ARMC8: variants seen among roughly 807,000 people sequenced by gnomAD.
ARMC8 encodes the protein armadillo repeat containing 8, also known as armadillo repeat-containing protein 8.
Under a neutral mutation model 99.3 loss-of-function variants are expected in ARMC8, and 20 were observed. That is an observed-to-expected ratio of 0.20 (90% CI 0.14 to 0.29). The LOEUF is 0.29. Ranked by LOEUF, ARMC8 falls within the 10% of genes least tolerant of loss-of-function variation. The probability of loss-of-function intolerance (pLI) is 1.00; values close to 1 mark genes in which losing one functional copy is unlikely to be tolerated. For synonymous variants in ARMC8, 263 were observed against 278.3 expected, an observed-to-expected ratio of 0.95 and a Z score of 0.55; for missense variants, 569 against 809.5, an observed-to-expected ratio of 0.70 and a Z score of 3.60.
intron 21 of ARMC8, among the ~76,000 whole-genome samples, chr3:138,292,102 A>G (rs1218811269): frequency 6.6e-6 from 1 of 151,778 alleles, no homozygotes; most frequent in African/African-American, 2.4e-5. Context: ...CAATGGCGTG[A>G]TCTTGGCTCA....
intron 1 of ARMC8, among the ~76,000 whole-genome samples, chr3:138,200,298 A>T (rs772019919): frequency 7.0e-6 from 1 of 142,480 alleles, no homozygotes; most frequent in Non-Finnish European, 1.5e-5. Context: ...TGACAGTTAC[A>T]CTGCAGACTG....
chr3:138,218,831 T>A (rs2045232065), intron 2 of ARMC8, among the ~76,000 whole-genome samples: 1 of 152,152 alleles, frequency 6.6e-6, no homozygotes, highest in Admixed American at 6.5e-5. Context: ...TTTCCCAACA[T>A]TAAAAGTTAG....
At chr3:138,272,871 C>CA (rs1362559077) in intron 16 of ARMC8, 96 bp from the exon 17 acceptor site, 4 of 1,168,994 alleles carry the variant, frequency 3.4e-6, no homozygotes, top group East Asian at 2.9e-5. Flanking sequence ...GACTCTGTCT[C>CA]AAAAAAATAA....
In ARMC8 at chr3:138,296,665, C is replaced by T. The variant is rs1217335792; in HGVS notation, c.*773C>T. The T allele has an allele frequency of 3.3e-5, 5 of 152,112 alleles. No homozygotes were observed. Among genetic ancestry groups the T allele is most frequent in the Admixed American group, 3.3e-4 (5 of 15,274 alleles). 9.4% of individuals were successfully genotyped at this position (152,112 alleles called of 1,614,324 possible). A position where few individuals can be genotyped will look rare whatever the true frequency, so the allele number is the denominator to read the frequency against. ...CCGTCAATATTAGCAGGTACAGAGCCTTTTTTCATCCTAATTCAGTAAGTT... is the reference window on the plus strand; with the variant it reads ...CCGTCAATATTAGCAGGTACAGAGCTTTTTTTCATCCTAATTCAGTAAGTT... On this transcript the variant is annotated 3_prime_UTR_variant, in exon 22 of 22. Transcript: ENST00000469044.
chr3:138,195,284 C>CA lies in ARMC8; in HGVS notation c.45+7702dup, dbSNP rs945623878. Among the ~76,000 whole-genome samples, 513 of 54,680 alleles carry CA rather than the reference C, an allele frequency of 9.4e-3. 3 individuals carry two copies. The highest frequency in any genetic ancestry group is 0.023 in the African/African-American group (321 of 14,214). 35.9% of individuals were successfully genotyped at this position (54,680 alleles called of 152,430 possible). On this transcript the variant is annotated intron_variant, in intron 1 of 21. Coordinates refer to ENST00000469044, the MANE Select transcript of ARMC8 (RefSeq NM_001363941.2). ...TGGGCGACAGAGCGAGACTCCGTCT[C>CA]AAAAAAAAAAAAAAAAAGAAACTAT...
At chr3:138,274,140 A>G (rs2108311252) in intron 17 of ARMC8, among the ~76,000 whole-genome samples, 1 of 151,986 alleles carries the variant, frequency 6.6e-6, no homozygotes, top group Middle Eastern at 3.4e-3. Context: ...TTTCTTTAAT[A>G]TATTTGGGTT....
chr3:138,292,546 G>C (rs1263916762), intron 21 of ARMC8, among the ~76,000 whole-genome samples: 1 of 152,338 alleles, frequency 6.6e-6, no homozygotes, highest in East Asian at 1.9e-4. Flanking sequence ...CACAGATTCA[G>C]TACAGGATGT....
chr3:138,218,889 A>AC, intron 2 of ARMC8, among the ~76,000 whole-genome samples: 1 of 152,338 alleles, frequency 6.6e-6, no homozygotes, highest in Admixed American at 6.5e-5. Flanking sequence ...AGGGTATCTG[A>AC]CTAAAAGTTA....
chr3:138,193,167 C>G (rs572846042), intron 1 of ARMC8, among the ~76,000 whole-genome samples: 2 of 152,054 alleles, frequency 1.3e-5, no homozygotes, highest in South Asian at 4.1e-4. Context: ...TGGGGTTTCA[C>G]CATGTTAGTC....
rs371910795 is a variant in ARMC8, at chr3:138,187,649, C to A, written c.45+50C>A. 1.2e-5 allele frequency: 18 copies of A among 1,525,458 alleles called. 1 individual carries two copies. The East Asian group carries it at 2.4e-4, about 21-fold the overall frequency. The allele number at this position is 1,525,458 out of a possible 1,614,324, so 94.5% of individuals were successfully genotyped here. ...GCCCGCCCTCCAGGAAGCCTCATCC[C>A]GGTCTCCACCATTCCCCCAAGCGTG... On this transcript the variant is annotated intron_variant, in intron 1 of 21. Coordinates refer to ENST00000469044, the MANE Select transcript of ARMC8 (RefSeq NM_001363941.2).
At chr3:138,229,923 AAC>A (rs1160385777) in intron 6 of ARMC8, among the ~76,000 whole-genome samples, 3 of 152,236 alleles carry the variant, frequency 2.0e-5, no homozygotes, top group Non-Finnish European at 4.4e-5. Flanking sequence ...GGGATAAGAG[AAC>A]ACCTGGAAGA....
chr3:138,279,947 C>G (rs2108337903), intron 18 of ARMC8, among the ~76,000 whole-genome samples: 1 of 152,108 alleles, frequency 6.6e-6, no homozygotes, highest in Non-Finnish European at 1.5e-5. Context: ...CTGTGTCACC[C>G]AGGCTGGAGT....
chr3:138,236,797 A>G (rs527919594), intron 7 of ARMC8, among the ~76,000 whole-genome samples: 1 of 152,284 alleles, frequency 6.6e-6, no homozygotes, highest in South Asian at 2.1e-4. Context: ...ATATATGGTT[A>G]AGGATTGGGC....
At chr3:138,188,590 C>T in intron 1 of ARMC8, 1 of 1,606,554 alleles carries the variant, frequency 6.2e-7, no homozygotes, top group Admixed American at 1.7e-5. Context: ...TACTGATTGA[C>T]CATCTTTTAG....
intron 1 of ARMC8, among the ~76,000 whole-genome samples, chr3:138,204,575 C>G (rs1261217134): frequency 6.6e-6 from 1 of 152,208 alleles, no homozygotes; most frequent in African/African-American, 2.4e-5. Context: ...TCTCTCCAAG[C>G]AGGCTTTGGC....
chr3:138,259,458 A>G (rs1324766240), intron 12 of ARMC8, among the ~76,000 whole-genome samples: 2 of 152,120 alleles, frequency 1.3e-5, no homozygotes, highest in Non-Finnish European at 2.9e-5. Context: ...TATTGTCCAT[A>G]CCCTTTTGGA....
At position 138,245,072 on chromosome 3, in the gene ARMC8, CT is replaced by C. The variant is rs754335292; in HGVS notation, c.1039-9del. On this transcript the variant is annotated splice_polypyrimidine_tract_variant and intron_variant, in intron 11 of 21. Coordinates refer to ENST00000469044, the MANE Select transcript of ARMC8 (RefSeq NM_001363941.2). Reference sequence around the variant, plus strand: ...TTTATGGACTGAGTTGGAACATATCCTTTTTTTCCCCATAGCTTGATCATGA... The same window carrying C: ...TTTATGGACTGAGTTGGAACATATCCTTTTTTCCCCATAGCTTGATCATGA... 1.2e-6 allele frequency: 2 copies of C among 1,612,704 alleles called. No individual in the cohort carries two copies. The highest frequency in any genetic ancestry group is 8.5e-7 in the Non-Finnish European group (1 of 1,179,128).
At chr3:138,288,403 G>A (rs997069483) in intron 19 of ARMC8, among the ~76,000 whole-genome samples, 13 of 152,182 alleles carry the variant, frequency 8.5e-5, no homozygotes, top group Non-Finnish European at 4.4e-5. Flanking sequence ...GTGTTTCCTC[G>A]TGCATGGATT....
chr3:138,250,302 A>G (rs2108210562), intron 12 of ARMC8, among the ~76,000 whole-genome samples: 1 of 152,230 alleles, frequency 6.6e-6, no homozygotes, highest in African/African-American at 2.4e-5. Flanking sequence ...ATTTATTAGA[A>G]TATCTAAGTA....
Sources: gnomAD v4.1 joint callset for allele counts (sites outside exome capture counted in the v4.1 genomes callset) on GRCh38, gnomAD v4.1.1 for gene constraint, MANE v1.5 for transcripts, NCBI Gene and HGNC (gene_info 2026-07-23, HGNC 2026-07-21) for gene names.